GALNT17: variants seen among roughly 807,000 people sequenced by gnomAD.
GALNT17 encodes polypeptide N-acetylgalactosaminyltransferase 17, also known as UDP-GalNAc:polypeptide N-acetylgalactosaminyltransferase-like 3.
A neutral mutation model predicts 63.7 loss-of-function variants in GALNT17; 29 were observed. The observed-to-expected ratio is 0.46, with a 90% CI of 0.34 to 0.62. The LOEUF is 0.62. Among genes scored for constraint, GALNT17 ranks in the 20% least tolerant of loss-of-function variants. The pLI is 0.01. For synonymous variants in GALNT17, 305 were observed against 318.3 expected, an observed-to-expected ratio of 0.96 and a Z score of 0.45; for missense variants, 603 against 799.6, an observed-to-expected ratio of 0.75 and a Z score of 2.97.
rs894108518 is a variant in GALNT17 at position 71,150,505 on chromosome 7, G to T, written c.238+17465G>T. ...TCATGCCTTCTCTCTCTTTTTTTTC[G>T]TTTTCTTTTTCTTTTTTTTTTTTTT... On this transcript the variant is annotated intron_variant, in intron 1 of 10. Coordinates refer to ENST00000333538, the MANE Select transcript of GALNT17 (RefSeq NM_022479.3). 4.9e-4 allele frequency among the ~76,000 whole-genome samples: 74 copies of T among 150,410 alleles called. No individual in the cohort carries two copies. In the South Asian group the frequency reaches 9.8e-3, roughly 20 times the overall value.
chr7:71,368,772 TA>T (rs1792561235), intron 2 of GALNT17, among the ~76,000 whole-genome samples: 1 of 152,188 alleles, frequency 6.6e-6, no homozygotes, highest in Non-Finnish European at 1.5e-5. Flanking sequence ...TTCTGGGTGA[TA>T]TAGACATACT....
intron 6 of GALNT17, among the ~76,000 whole-genome samples, chr7:71,649,527 A>G (rs1190885546): frequency 1.3e-5 from 2 of 152,020 alleles, no homozygotes; most frequent in Non-Finnish European, 2.9e-5. Flanking sequence ...GGACAGGAAG[A>G]TGAAGAAACT....
chr7:71,601,835 A>G (rs998631548), intron 6 of GALNT17, among the ~76,000 whole-genome samples: 1 of 152,218 alleles, frequency 6.6e-6, no homozygotes, highest in African/African-American at 2.4e-5. Flanking sequence ...GAAATTACCC[A>G]AGAGGGAAGA....
chr7:71,350,798 G>A (rs113676636), intron 2 of GALNT17, among the ~76,000 whole-genome samples: 179 of 152,298 alleles, frequency 1.2e-3, no homozygotes, highest in African/African-American at 4.0e-3. Context: ...GTACTTTAGA[G>A]AAGGTGAATT....
At chr7:71,553,578 G>C (rs1010134759) in intron 5 of GALNT17, among the ~76,000 whole-genome samples, 6 of 152,096 alleles carry the variant, frequency 3.9e-5, no homozygotes, top group African/African-American at 9.7e-5. Context: ...CTAAGTATCT[G>C]TTGGTGTCTC....
At chr7:71,660,536 A>G (rs1161782210) in intron 6 of GALNT17, among the ~76,000 whole-genome samples, 2 of 152,206 alleles carry the variant, frequency 1.3e-5, no homozygotes, top group Admixed American at 1.3e-4. Flanking sequence ...TAGAGAATAG[A>G]TCCGCAGGAC....
At chr7:71,443,865 C>G (rs966885027) in intron 5 of GALNT17, among the ~76,000 whole-genome samples, 4 of 152,226 alleles carry the variant, frequency 2.6e-5, no homozygotes, top group African/African-American at 7.2e-5. Context: ...GCTGGGACTA[C>G]AGGCGCCTGC....
chr7:71,197,431 A>T (rs1789075195), intron 1 of GALNT17, among the ~76,000 whole-genome samples: 1 of 150,048 alleles, frequency 6.7e-6, no homozygotes. Context: ...GGAGGTCTCG[A>T]TCTCCTGACC....
At chr7:71,156,265 A>G (rs1788233337) in intron 1 of GALNT17, among the ~76,000 whole-genome samples, 1 of 151,786 alleles carries the variant, frequency 6.6e-6, no homozygotes, top group Non-Finnish European at 1.5e-5. Context: ...CCTACCAAAG[A>G]TAAGGGCATA....
intron 6 of GALNT17, among the ~76,000 whole-genome samples, chr7:71,585,643 A>G (rs1789704797): frequency 6.6e-6 from 1 of 151,914 alleles, no homozygotes. Flanking sequence ...TTTTTTAAAT[A>G]AATATTTTAT....
intron 1 of GALNT17, among the ~76,000 whole-genome samples, chr7:71,199,522 T>TCATC (rs34691979): frequency 0.051 from 7,257 of 142,680 alleles, 527 homozygotes; most frequent in African/African-American, 0.16. Context: ...CCCCATCCAT[T>TCATC]CATCCATCCA....
chr7:71,623,799 G>C (rs563106639), intron 6 of GALNT17, among the ~76,000 whole-genome samples: 1 of 152,280 alleles, frequency 6.6e-6, no homozygotes, highest in African/African-American at 2.4e-5. Context: ...TGGTGTGCAT[G>C]CATGTGTACA....
rs550058608 is a variant in GALNT17 at position 71,444,497 on chromosome 7, G to T, written c.962+23392G>T. Among the ~76,000 whole-genome samples, 103 of 152,232 alleles carry T rather than the reference G, an allele frequency of 6.8e-4. 1 individual carries two copies. Among genetic ancestry groups the T allele is most frequent in the African/African-American group, 1.3e-3 (56 of 41,550 alleles). On this transcript the variant is annotated intron_variant, in intron 5 of 10. Transcript: ENST00000333538. ...ACCGTGGAAAACAGGGGTGTCTTCC[G>T]TAGCAAACTCACTATCCAACACATC...
At chr7:71,453,123 A>G (rs1298609164) in intron 5 of GALNT17, among the ~76,000 whole-genome samples, 1 of 152,128 alleles carries the variant, frequency 6.6e-6, no homozygotes, top group Non-Finnish European at 1.5e-5. Flanking sequence ...CCTGCCTGGA[A>G]TAGAGTAAAT....
At chr7:71,176,589 T>G (rs1399975207) in intron 1 of GALNT17, among the ~76,000 whole-genome samples, 1 of 152,110 alleles carries the variant, frequency 6.6e-6, no homozygotes, top group Non-Finnish European at 1.5e-5. Context: ...CAGGATGGGT[T>G]CATGAACTAC....
chr7:71,362,809 A>G (rs541149532), intron 2 of GALNT17, among the ~76,000 whole-genome samples: 2 of 152,234 alleles, frequency 1.3e-5, no homozygotes, highest in East Asian at 3.9e-4. Context: ...CTGATTTGCT[A>G]CTGTTCAAAG....
chr7:71,477,851 C>T (rs543992460), intron 5 of GALNT17, among the ~76,000 whole-genome samples: 8 of 152,152 alleles, frequency 5.3e-5, no homozygotes, highest in Non-Finnish European at 8.8e-5. Flanking sequence ...GTTAGAAAAA[C>T]CTATGGGGTT....
intron 5 of GALNT17, among the ~76,000 whole-genome samples, chr7:71,431,701 G>A (rs1179860502): frequency 6.6e-6 from 1 of 152,120 alleles, no homozygotes; most frequent in Non-Finnish European, 1.5e-5. Context: ...GCCAGCTGGA[G>A]GAGATTTTTA....
chr7:71,310,864 A>T (rs1791403372), intron 1 of GALNT17, among the ~76,000 whole-genome samples: 2 of 152,060 alleles, frequency 1.3e-5, no homozygotes, highest in Admixed American at 1.3e-4. Flanking sequence ...TGTAGAAGAG[A>T]ATGGGAGAAG....
Sources: gnomAD v4.1 joint callset for allele counts (sites outside exome capture counted in the v4.1 genomes callset) on GRCh38, gnomAD v4.1.1 for gene constraint, MANE v1.5 for transcripts, NCBI Gene and HGNC (gene_info 2026-07-23, HGNC 2026-07-21) for gene names.